GATB: variants seen among roughly 807,000 people sequenced by gnomAD.
GATB encodes glutamyl-tRNA(Gln) amidotransferase subunit B, mitochondrial.
A neutral mutation model predicts 62.3 loss-of-function variants in GATB; 39 were observed. The ratio of observed to expected loss-of-function variants is 0.63; its 90% CI spans 0.48 to 0.82. The LOEUF is 0.82. GATB is among the 40% of genes least tolerant of loss of function. The pLI is 0.00. For synonymous variants in GATB, 276 were observed against 258.9 expected (o/e 1.07, Z -0.63); for missense variants, 670 against 684.0 (o/e 0.98, Z 0.23).
chr4:151,709,520 C>T (rs937664422), intron 5 of GATB, among the ~76,000 whole-genome samples: 1 of 152,074 alleles, frequency 6.6e-6, no homozygotes, highest in Non-Finnish European at 1.5e-5. Context: ...GTCTAGGAAC[C>T]CTGAGGTCAT....
chr4:151,704,386 A>G (rs1560850303), intron 7 of GATB, among the ~76,000 whole-genome samples: 1 of 152,226 alleles, frequency 6.6e-6, no homozygotes, highest in Non-Finnish European at 1.5e-5. Flanking sequence ...CCTTGGGCAC[A>G]GTCTGGGTCA....
At chr4:151,708,817 C>T (rs1367122863) in intron 5 of GATB, among the ~76,000 whole-genome samples, 2 of 152,098 alleles carry the variant, frequency 1.3e-5, no homozygotes, top group Non-Finnish European at 2.9e-5. Context: ...CCTTCTTTGA[C>T]CCTGGAGGCC....
Position 151,758,883 on chromosome 4 carries a change from A to G in GATB, c.216T>C (p.His72=). 1 of 1,611,370 alleles carries G rather than the reference A, an allele frequency of 6.2e-7. No individual in the cohort carries two copies. Among genetic ancestry groups the G allele is most frequent in the Non-Finnish European group, 8.5e-7 (1 of 1,178,394 alleles). ...KWAAVVGLEI[H]AQISSNSKLF... Reference sequence around the variant, plus strand: ...GTTTAGAGTTGGAGGAAATCTGGGCATGAATTTCCAAACCTACCACAGCAG... The same window carrying G: ...GTTTAGAGTTGGAGGAAATCTGGGCGTGAATTTCCAAACCTACCACAGCAG... The change falls in exon 2 of 13, where the codon CAT becomes CAC. Residue 72 remains histidine (H), a synonymous_variant. Transcript: ENST00000263985.
At chr4:151,739,888 T>C (rs1390170416) in intron 2 of GATB, among the ~76,000 whole-genome samples, 1 of 152,238 alleles carries the variant, frequency 6.6e-6, no homozygotes, top group East Asian at 1.9e-4. Context: ...AAAGCCTGCA[T>C]GAGTTCTTCC....
chr4:151,711,255 C>A (rs958975450), intron 5 of GATB, among the ~76,000 whole-genome samples: 1 of 152,206 alleles, frequency 6.6e-6, no homozygotes, highest in African/African-American at 2.4e-5. Context: ...CCACTTCCCA[C>A]AGAGCAGCCA....
chr4:151,672,201 G>A (rs1353114866), intron 12 of GATB, among the ~76,000 whole-genome samples: 5 of 152,146 alleles, frequency 3.3e-5, no homozygotes, highest in Non-Finnish European at 5.9e-5. Context: ...GATGCCACTC[G>A]TTTTAGCTTT....
chr4:151,716,797 A>G, intron 4 of GATB, 79 bp downstream of exon 4: 2 of 1,318,954 alleles, frequency 1.5e-6, no homozygotes, highest in South Asian at 2.6e-5. Context: ...GTTCAAGAAA[A>G]CTCTAGCGGT....
chr4:151,684,973 G>A (rs570469499), intron 10 of GATB, among the ~76,000 whole-genome samples: 8 of 152,262 alleles, frequency 5.3e-5, no homozygotes, highest in South Asian at 2.1e-4. Flanking sequence ...CAAGCCAGGC[G>A]ACTTGGCTTC....
At chr4:151,717,971 A>G (rs1738946865) in intron 3 of GATB, among the ~76,000 whole-genome samples, 3 of 152,176 alleles carry the variant, frequency 2.0e-5, no homozygotes, top group Admixed American at 2.0e-4. Flanking sequence ...GTGAGCATCA[A>G]TGTCAATGTC....
chr4:151,698,553 C>T (rs1488374740), intron 9 of GATB, among the ~76,000 whole-genome samples: 5 of 152,126 alleles, frequency 3.3e-5, no homozygotes, highest in African/African-American at 1.2e-4. Flanking sequence ...GTGCATCTGC[C>T]CTTCTCAGCA....
intron 2 of GATB, among the ~76,000 whole-genome samples, chr4:151,746,272 T>C (rs1434725251): frequency 2.6e-5 from 4 of 152,254 alleles, no homozygotes; most frequent in Non-Finnish European, 5.9e-5. Context: ...AATCTCACCA[T>C]TACTGGAAAT....
intron 2 of GATB, among the ~76,000 whole-genome samples, chr4:151,738,069 C>T (rs923917218): frequency 6.6e-6 from 1 of 152,170 alleles, no homozygotes; most frequent in East Asian, 1.9e-4. Flanking sequence ...GGGCCACCTT[C>T]CTCCAGACCC....
chr4:151,738,015 G>A (rs1739411720), intron 2 of GATB, among the ~76,000 whole-genome samples: 1 of 152,150 alleles, frequency 6.6e-6, no homozygotes, highest in Non-Finnish European at 1.5e-5. Flanking sequence ...AGCCCCCAGA[G>A]CCCCAAGACA....
chr4:151,695,945 T>G (rs1251054956), intron 9 of GATB, among the ~76,000 whole-genome samples: 1 of 146,518 alleles, frequency 6.8e-6, no homozygotes, highest in African/African-American at 2.6e-5. Context: ...TTTTTTTTTT[T>G]TTTTTTTGTA....
Position 151,688,634 on chromosome 4 carries a change from C to T in GATB, c.1327G>A (p.Glu443Lys), listed in dbSNP as rs1468600673. 17 of 1,604,254 alleles carry T rather than the reference C, an allele frequency of 1.1e-5. No homozygotes were observed. The highest frequency in any genetic ancestry group is 1.4e-5 in the Non-Finnish European group (17 of 1,177,600). Residue 443 changes from glutamate to lysine, a missense_variant, in exon 10 of 13, where the codon GAG becomes AAG. By Grantham distance (56) the Glu-to-Lys change is moderately conservative. Transcript: ENST00000263985. ...GAAATCCCAGACCTCACTCACCTCT[C>T]ACTGACAGCGAGGTTCTGTTGCTTT... ...YLKQQNLAVS[E>K]SPVTPSALAE...
chr4:151,699,593 G>A (rs1738557912), intron 9 of GATB, among the ~76,000 whole-genome samples: 1 of 152,094 alleles, frequency 6.6e-6, no homozygotes, highest in Non-Finnish European at 1.5e-5. Flanking sequence ...TGCCCTCATG[G>A]AGCTTATGCT....
At chr4:151,754,475 C>T (rs184798835) in intron 2 of GATB, among the ~76,000 whole-genome samples, 1 of 152,268 alleles carries the variant, frequency 6.6e-6, no homozygotes, top group Admixed American at 6.5e-5. Flanking sequence ...TGGGCAACAC[C>T]CATATCTATC....
intron 7 of GATB, among the ~76,000 whole-genome samples, chr4:151,704,480 G>A (rs1738670961): frequency 6.6e-6 from 1 of 151,786 alleles, no homozygotes; most frequent in African/African-American, 2.4e-5. Context: ...TTGAGACGGA[G>A]TCTTGCTCTG....
intron 2 of GATB, among the ~76,000 whole-genome samples, chr4:151,727,188 T>C (rs1739154071): frequency 6.6e-6 from 1 of 152,240 alleles, no homozygotes. Flanking sequence ...CCCAAAGTGC[T>C]GAGATTTCAG....
Sources: gnomAD v4.1 joint callset for allele counts (sites outside exome capture counted in the v4.1 genomes callset) on GRCh38, gnomAD v4.1.1 for gene constraint, MANE v1.5 for transcripts, NCBI Gene and HGNC (gene_info 2026-07-23, HGNC 2026-07-21) for gene names.